The following TMEM232 variants were observed in gnomAD, a reference collection of about 807,000 sequenced individuals.
TMEM232 encodes the protein transmembrane protein 232.
A neutral mutation model predicts 78.8 loss-of-function variants in TMEM232; 80 were observed. That is an observed-to-expected ratio of 1.01 (90% CI 0.85 to 1.22). TMEM232 has a LOEUF of 1.22. TMEM232 is among the 50% of genes most tolerant of loss of function. The probability of loss-of-function intolerance (pLI) is 0.00; values close to 1 mark genes in which losing one functional copy is unlikely to be tolerated. For synonymous variants in TMEM232, 297 were observed against 254.3 expected, an observed-to-expected ratio of 1.17 and a Z score of -1.60; for missense variants, 881 against 742.2, an observed-to-expected ratio of 1.19 and a Z score of -2.17.
At chr5:110,698,474 T>G (rs960300316) in intron 1 of TMEM232, among the ~76,000 whole-genome samples, 1 of 152,032 alleles carries the variant, frequency 6.6e-6, no homozygotes, top group African/African-American at 2.4e-5. Flanking sequence ...GTATAATGCC[T>G]TTTACTTAAC....
chr5:110,486,758 A>G (rs535219844), intron 12 of TMEM232, among the ~76,000 whole-genome samples: 49 of 152,146 alleles, frequency 3.2e-4, no homozygotes, highest in Admixed American at 2.0e-3. Context: ...TGATGCCTCC[A>G]GATTTGTTCT....
chr5:110,625,436 A>C lies in TMEM232; in HGVS notation c.602-3T>G, dbSNP rs1246771675. On this transcript the variant is annotated splice_polypyrimidine_tract_variant and splice_region_variant and intron_variant, in intron 6 of 13. Transcript: ENST00000455884. The stretch of plus-strand genomic sequence containing the variant: ...TGATGCTCCAGAGAAAGAAAGTGCT[A>C]TTGTAAGAAAAATCATCTGTGAGAA... 2.0e-6 allele frequency: 3 copies of C among 1,501,912 alleles called. No individual in the cohort carries two copies. Among genetic ancestry groups the C allele is most frequent in the Non-Finnish European group, 2.7e-6 (3 of 1,123,828 alleles). 93.0% of individuals were successfully genotyped at this position (1,501,912 alleles called of 1,614,324 possible). A position where few individuals can be genotyped will look rare whatever the true frequency, so the allele number is the denominator to read the frequency against.
At chr5:110,681,995 A>T (rs1034456629) in intron 1 of TMEM232, among the ~76,000 whole-genome samples, 1 of 152,222 alleles carries the variant, frequency 6.6e-6, no homozygotes, top group Non-Finnish European at 1.5e-5. Flanking sequence ...GAAATAAAAA[A>T]ATAAAATGAG....
At chr5:110,505,272 A>G (rs1009613220) in intron 12 of TMEM232, among the ~76,000 whole-genome samples, 1 of 152,144 alleles carries the variant, frequency 6.6e-6, no homozygotes, top group Non-Finnish European at 1.5e-5. Context: ...ATGACTCTTT[A>G]ACTGGTGATA....
At chr5:110,708,694 C>G (rs1796182319) in intron 1 of TMEM232, among the ~76,000 whole-genome samples, 1 of 151,788 alleles carries the variant, frequency 6.6e-6, no homozygotes, top group Non-Finnish European at 1.5e-5. Flanking sequence ...ATTTGCAAGC[C>G]TAATGGTAAG....
At chr5:110,538,621 G>A (rs1772703986) in intron 11 of TMEM232, among the ~76,000 whole-genome samples, 1 of 152,174 alleles carries the variant, frequency 6.6e-6, no homozygotes, top group Admixed American at 6.5e-5. Flanking sequence ...CCCTGTCACT[G>A]GAGGATTGAC....
At chr5:110,662,186 G>C (rs1417432578) in intron 2 of TMEM232, among the ~76,000 whole-genome samples, 2 of 151,972 alleles carry the variant, frequency 1.3e-5, no homozygotes, top group Non-Finnish European at 2.9e-5. Context: ...TCTGGTAAAA[G>C]TTAGAAAATA....
At chr5:110,610,458 C>T (rs1423785740) in intron 8 of TMEM232, 4 of 372,542 alleles carry the variant, frequency 1.1e-5, no homozygotes, top group Non-Finnish European at 1.6e-5. Context: ...CACAGAGAGG[C>T]AGAAGTTGGG....
At chr5:110,620,066 T>C (rs1363137597) in intron 7 of TMEM232, among the ~76,000 whole-genome samples, 1 of 152,216 alleles carries the variant, frequency 6.6e-6, no homozygotes. Context: ...AATGTATTTA[T>C]GTACCATCAT....
chr5:110,692,623 G>C (rs1330590741), intron 1 of TMEM232, among the ~76,000 whole-genome samples: 1 of 152,204 alleles, frequency 6.6e-6, no homozygotes, highest in Non-Finnish European at 1.5e-5. Flanking sequence ...TTTTCCAACG[G>C]GCTTAACAAA....
chr5:110,710,003 C>G (rs1272362471), intron 1 of TMEM232, among the ~76,000 whole-genome samples: 1 of 151,326 alleles, frequency 6.6e-6, no homozygotes, highest in African/African-American at 2.4e-5. Flanking sequence ...AAAAGATAAA[C>G]TTGGAAAACC....
At chr5:110,613,469 A>T (rs1038961028) in intron 8 of TMEM232, among the ~76,000 whole-genome samples, 1 of 152,154 alleles carries the variant, frequency 6.6e-6, no homozygotes, top group Non-Finnish European at 1.5e-5. Context: ...CATTTGTTCA[A>T]CATTATGTTA....
At chr5:110,403,706 C>A (rs1243708740) in intron 2 of TMEM232, among the ~76,000 whole-genome samples, 2 of 151,878 alleles carry the variant, frequency 1.3e-5, no homozygotes, top group East Asian at 3.9e-4. Flanking sequence ...ATATTATGAT[C>A]TCCTATTTGT....
chr5:110,693,549 AC>A (rs1424363860), intron 1 of TMEM232, among the ~76,000 whole-genome samples: 1 of 152,118 alleles, frequency 6.6e-6, no homozygotes, highest in Non-Finnish European at 1.5e-5. Flanking sequence ...GAAGTTAAAA[AC>A]CCTGAAAAAC....
intron 1 of TMEM232, among the ~76,000 whole-genome samples, chr5:110,714,492 G>A (rs1796831999): frequency 6.6e-6 from 1 of 152,094 alleles, no homozygotes; most frequent in South Asian, 2.1e-4. Flanking sequence ...GTAAGTTTGT[G>A]TTTCCCAGGC....
chr5:110,443,239 C>T (rs142760841), intron 12 of TMEM232, among the ~76,000 whole-genome samples: 1 of 152,268 alleles, frequency 6.6e-6, no homozygotes, highest in East Asian at 1.9e-4. Context: ...CAGCAAAAAA[C>T]CTTAGAAGTT....
intron 1 of TMEM232, chr5:110,667,848 A>C (rs1289773458): frequency 6.6e-6 from 1 of 152,154 alleles, no homozygotes; most frequent in Non-Finnish European, 1.5e-5. Flanking sequence ...AGTTTCTTGT[A>C]AATTCCTTTT....
intron 2 of TMEM232, among the ~76,000 whole-genome samples, chr5:110,642,995 C>G (rs1786955656): frequency 6.6e-6 from 1 of 151,866 alleles, no homozygotes; most frequent in Non-Finnish European, 1.5e-5. Flanking sequence ...AAAGGGGGAG[C>G]TTACATGTAG....
chr5:110,428,330 C>A (rs1757468091), intron 12 of TMEM232, among the ~76,000 whole-genome samples: 1 of 151,868 alleles, frequency 6.6e-6, no homozygotes, highest in Non-Finnish European at 1.5e-5. Context: ...TTCCTTAGCA[C>A]AATATTCACT....
Sources: gnomAD v4.1 joint callset for allele counts (sites outside exome capture counted in the v4.1 genomes callset) on GRCh38, gnomAD v4.1.1 for gene constraint, MANE v1.5 for transcripts, NCBI Gene and HGNC (gene_info 2026-07-23, HGNC 2026-07-21) for gene names.